NAF1: variants seen among roughly 807,000 people sequenced by gnomAD.
NAF1 encodes nuclear assembly factor 1 ribonucleoprotein, also known as H/ACA ribonucleoprotein complex non-core subunit NAF1.
Under a neutral mutation model 40.6 loss-of-function variants are expected in NAF1, and 11 were observed. The observed-to-expected ratio is 0.27, with a 90% CI of 0.17 to 0.45. The LOEUF is 0.45. Among genes scored for constraint, NAF1 ranks in the 20% least tolerant of loss-of-function variants. NAF1 has a pLI of 1.00. For missense variants in NAF1, 607 were observed against 611.1 expected, an observed-to-expected ratio of 0.99 and a Z score of 0.07; for synonymous variants, 260 against 228.5, an observed-to-expected ratio of 1.14 and a Z score of -1.24.
chr4:163,106,667 A>G (rs72695088), downstream of NAF1, among the ~76,000 whole-genome samples: 39,732 of 152,014 alleles, frequency 0.26, 5,585 homozygotes, highest in African/African-American at 0.37. Flanking sequence ...TCAGCCTAAA[A>G]ATGGAATAAT....
At chr4:163,116,271 T>C (rs1255881216) in intron 2 of NAF1, among the ~76,000 whole-genome samples, 1 of 152,176 alleles carries the variant, frequency 6.6e-6, no homozygotes, top group Non-Finnish European at 1.5e-5. Flanking sequence ...AATGTGTAGT[T>C]TAATTATGAA....
At chr4:163,110,263 G>A in exon 3 of NAF1, 5 of 701,266 alleles carry the variant, frequency 7.1e-6, no homozygotes, top group Non-Finnish European at 1.3e-5. Context: ...ACTTTTCGTG[G>A]TTTCAGTTAC....
At chr4:163,107,197 G>A (rs1297400184), downstream of NAF1, among the ~76,000 whole-genome samples, 1 of 152,198 alleles carries the variant, frequency 6.6e-6, no homozygotes, top group Non-Finnish European at 1.5e-5. Context: ...GTGTTGGCCA[G>A]GCTGGTCTTA....
chr4:163,109,811 T>C (rs761366950), downstream of NAF1, among the ~76,000 whole-genome samples: 1 of 152,220 alleles, frequency 6.6e-6, no homozygotes, highest in Non-Finnish European at 1.5e-5. Context: ...TAGAGATTAC[T>C]GTCATCTTCA....
chr4:163,133,346 A>C, intron 6 of NAF1, 90 bp from the exon 7 acceptor site: 1 of 882,088 alleles, frequency 1.1e-6, no homozygotes, highest in Non-Finnish European at 1.8e-6. Context: ...TAAGCCTATT[A>C]TGCATCAATG....
At chr4:163,116,021 A>G (rs1334970199) in intron 2 of NAF1, among the ~76,000 whole-genome samples, 1 of 152,244 alleles carries the variant, frequency 6.6e-6, no homozygotes, top group East Asian at 1.9e-4. Context: ...TTAATAAACC[A>G]ATAAAGATGC....
Position 163,148,407 on chromosome 4 carries a change from T to C in NAF1, c.568A>G (p.Ile190Val), listed in dbSNP as rs199804224. 58 of 1,585,752 alleles carry C rather than the reference T, an allele frequency of 3.7e-5. 2 individuals are homozygous for C. The highest frequency in any genetic ancestry group is 2.9e-4 in the South Asian group (25 of 85,170). Residue 190 changes from isoleucine (I) to valine (V), a missense_variant, in exon 3 of 8, where the codon ATT becomes GTT. Transcript: ENST00000274054. Reference sequence around the variant, plus strand: ...AACTCAATATCTTCAGGCAGAATAATAGTGAGTTCTTCAACAGAAGGCAGT... The same window carrying C: ...AACTCAATATCTTCAGGCAGAATAACAGTGAGTTCTTCAACAGAAGGCAGT... ...NELPSVEELTIILPEDIELKP... is the reference protein window; with the variant it reads ...NELPSVEELTVILPEDIELKP...
At chr4:163,132,497 T>C (rs144536204) in intron 7 of NAF1, among the ~76,000 whole-genome samples, 24 of 152,350 alleles carry the variant, frequency 1.6e-4, no homozygotes, top group African/African-American at 5.8e-4. Flanking sequence ...ACTTCACTTA[T>C]ATAACTTTCT....
chr4:163,162,163 G>A (rs1490370162), intron 2 of NAF1, among the ~76,000 whole-genome samples: 1 of 151,768 alleles, frequency 6.6e-6, no homozygotes, highest in Non-Finnish European at 1.5e-5. Flanking sequence ...TCTATCAGTG[G>A]TAAAACTGCC....
At chr4:163,109,658 C>A (rs192923828), downstream of NAF1, among the ~76,000 whole-genome samples, 2 of 152,310 alleles carry the variant, frequency 1.3e-5, no homozygotes, top group East Asian at 3.9e-4. Flanking sequence ...TCTAACCCTA[C>A]CTCACAGCCT....
At chr4:163,152,895 C>G (rs1731777669) in intron 2 of NAF1, among the ~76,000 whole-genome samples, 1 of 152,196 alleles carries the variant, frequency 6.6e-6, no homozygotes, top group Admixed American at 6.5e-5. Flanking sequence ...TGCGGGCCAG[C>G]TGGAGTTCCG....
downstream of NAF1, among the ~76,000 whole-genome samples, chr4:163,122,315 A>T (rs1221268586): frequency 6.6e-6 from 1 of 152,158 alleles, no homozygotes; most frequent in Non-Finnish European, 1.5e-5. Flanking sequence ...GCTGTTCACC[A>T]GCTCTAAACA....
At position 163,164,361 on chromosome 4, in the gene NAF1, C is replaced by G; in HGVS notation, c.396G>C (p.Ser132=). The G allele has an allele frequency of 6.3e-7, 1 of 1,588,344 alleles. No individual in the cohort carries two copies. Among genetic ancestry groups the G allele is most frequent in the Non-Finnish European group, 8.6e-7 (1 of 1,167,504 alleles). ...SETDSDSSSS[S]SSSSSSSSSS... ...ACGATGAGGAAGATGAAGAGGAAGA[C>G]GATGAACTTGAACTATCTGAATCTG... Residue 132 remains serine (S), a synonymous_variant, in exon 2 of 8, where the codon TCG becomes TCC. Transcript: ENST00000274054.
intron 6 of NAF1, chr4:163,135,274 A>G (rs1731012197): frequency 6.6e-6 from 1 of 152,168 alleles, no homozygotes; most frequent in Admixed American, 6.5e-5. Flanking sequence ...GATCAATACC[A>G]GGCAATAATT....
intron 2 of NAF1, among the ~76,000 whole-genome samples, chr4:163,119,047 TG>T (rs1241737011): frequency 6.6e-6 from 1 of 152,224 alleles, no homozygotes; most frequent in African/African-American, 2.4e-5. Flanking sequence ...TCTAAGTAAA[TG>T]GAGAGACACC....
At chr4:163,110,847 A>C (rs1349299255) in intron 2 of NAF1, among the ~76,000 whole-genome samples, 2 of 152,152 alleles carry the variant, frequency 1.3e-5, no homozygotes, top group Non-Finnish European at 2.9e-5. Flanking sequence ...CTGGAACTGT[A>C]ATCTCTAGGG....
intron 2 of NAF1, among the ~76,000 whole-genome samples, chr4:163,113,678 A>C (rs1730236629): frequency 6.6e-6 from 1 of 152,190 alleles, no homozygotes; most frequent in African/African-American, 2.4e-5. Flanking sequence ...TTAGGATTTA[A>C]AGCCATGAAC....
At chr4:163,159,292 A>G (rs1732121504) in intron 2 of NAF1, among the ~76,000 whole-genome samples, 3 of 152,152 alleles carry the variant, frequency 2.0e-5, no homozygotes, top group Admixed American at 6.5e-5. Context: ...ACACTAGTGA[A>G]TATTAATGAA....
intron 1 of NAF1, among the ~76,000 whole-genome samples, chr4:163,165,121 C>T (rs2111072856): frequency 6.6e-6 from 1 of 152,312 alleles, no homozygotes; most frequent in Admixed American, 6.5e-5. Flanking sequence ...TCTCTAAACT[C>T]CATGTCCAAT....
Sources: allele counts gnomAD v4.1 joint callset (sites outside exome capture counted in the v4.1 genomes callset), GRCh38; gene constraint gnomAD v4.1.1; transcripts MANE v1.5; gene names NCBI Gene and HGNC (gene_info 2026-07-23, HGNC 2026-07-21).